MORC4: variants seen among roughly 807,000 people sequenced by gnomAD.
MORC4 encodes the protein MORC family CW-type zinc finger protein 4.
MORC4 carries 22 observed loss-of-function variants against 65.5 expected under a neutral mutation model. The ratio of observed to expected loss-of-function variants is 0.34; its 90% CI spans 0.24 to 0.48. The LOEUF is 0.48. MORC4 is among the 20% of genes least tolerant of loss of function. The probability of loss-of-function intolerance (pLI) is 0.99; values close to 1 mark genes in which losing one functional copy is unlikely to be tolerated. For missense variants in MORC4, 624 were observed against 703.0 expected, an observed-to-expected ratio of 0.89 and a Z score of 1.27; for synonymous variants, 267 against 255.8, an observed-to-expected ratio of 1.04 and a Z score of -0.42.
chrX:106,974,591 T>C (rs1439173117), intron 9 of MORC4, among the ~76,000 whole-genome samples: 8 of 112,203 alleles, frequency 7.1e-5, no homozygotes, highest in Non-Finnish European at 1.5e-4. Context: ...TTAAAGAGCT[T>C]TTTTATTGCT....
chrX:106,944,950 A>C (rs1933788029), intron 14 of MORC4, among the ~76,000 whole-genome samples: 1 of 111,518 alleles, frequency 9.0e-6, no homozygotes, highest in Non-Finnish European at 1.9e-5. Flanking sequence ...CATTGCTTTG[A>C]TTATGCTACT....
intron 14 of MORC4, among the ~76,000 whole-genome samples, chrX:106,949,913 G>A (rs1168590513): frequency 8.9e-6 from 1 of 112,219 alleles, no homozygotes; most frequent in African/African-American, 3.2e-5. Flanking sequence ...CTCCTAGATT[G>A]CCAAGGATGT....
intron 12 of MORC4, 72 bp downstream of exon 12, chrX:106,956,864 A>G (rs965865889): frequency 2.4e-6 from 2 of 824,568 alleles, no homozygotes; most frequent in African/African-American, 4.2e-5. Flanking sequence ...TCTTCTCAAA[A>G]CTCCCGTCCT....
intron 9 of MORC4, among the ~76,000 whole-genome samples, chrX:106,973,103 C>T (rs763085295): frequency 8.9e-6 from 1 of 112,190 alleles, no homozygotes; most frequent in East Asian, 2.8e-4. Flanking sequence ...GAGGGTGGAG[C>T]CCTAAGTCCA....
At position 106,941,506 on chromosome X, in the gene MORC4, C is replaced by T; in HGVS notation, c.2787G>A (p.Val929=). The change falls in exon 17 of 17, where the codon GTG becomes GTA. Residue 929 remains valine, a synonymous_variant. Transcript: ENST00000355610. ...SEQVDGILYT[V]LEANHILD ...AATCCAGTATGTGATTTGCCTCCAG[C>T]ACCGTGTACAGGATCCCATCCACTT... 1 of 1,208,664 alleles carries T rather than the reference C, an allele frequency of 8.3e-7. No homozygotes were observed. The highest frequency in any genetic ancestry group is 1.1e-6 in the Non-Finnish European group (1 of 893,789).
intron 7 of MORC4, among the ~76,000 whole-genome samples, chrX:106,978,831 T>C (rs1313076620): frequency 1.8e-5 from 2 of 111,594 alleles, no homozygotes; most frequent in African/African-American, 6.5e-5. Flanking sequence ...TAAATCCTTC[T>C]TACCATACCA....
At chrX:106,955,177 G>T in intron 13 of MORC4, 89 bp from the exon 14 acceptor site, 1 of 680,212 alleles carries the variant, frequency 1.5e-6, no homozygotes, top group Non-Finnish European at 2.2e-6. Context: ...AGGAAAGAAT[G>T]CTTGGCCAAA....
At chrX:106,944,605 A>G (rs760310790) in intron 14 of MORC4, among the ~76,000 whole-genome samples, 2 of 110,278 alleles carry the variant, frequency 1.8e-5, no homozygotes, top group South Asian at 7.7e-4. Flanking sequence ...CTGGGCAACA[A>G]CTCCCATATT....
chrX:106,982,929 C>A (rs1412122226), intron 5 of MORC4, among the ~76,000 whole-genome samples: 2 of 111,978 alleles, frequency 1.8e-5, no homozygotes, highest in African/African-American at 6.5e-5. Flanking sequence ...TTTGTTTGAC[C>A]ATGTAATCCT....
intron 2 of MORC4, 140 bp downstream of exon 2, chrX:106,999,537 C>T: frequency 8.8e-6 from 4 of 452,437 alleles, no homozygotes; most frequent in Non-Finnish European, 1.4e-5. Context: ...CCTCCGCCTG[C>T]GGAGCCGGGG....
intron 8 of MORC4, 68 bp downstream of exon 8, chrX:106,978,012 T>G: frequency 1.7e-6 from 2 of 1,143,340 alleles, no homozygotes; most frequent in Non-Finnish European, 2.4e-6. Flanking sequence ...GCCTATCCCC[T>G]TTGCAAATTT....
At chrX:106,944,225 T>C (rs1035587171) in intron 14 of MORC4, among the ~76,000 whole-genome samples, 4 of 112,231 alleles carry the variant, frequency 3.6e-5, no homozygotes, top group Non-Finnish European at 5.6e-5. Flanking sequence ...AGTGCCCATA[T>C]GTTCTTCAGA....
intron 5 of MORC4, among the ~76,000 whole-genome samples, chrX:106,983,434 A>G (rs1934788925): frequency 1.8e-5 from 2 of 111,967 alleles, no homozygotes; most frequent in Non-Finnish European, 3.8e-5. Context: ...AAATGAGACA[A>G]AATACTTCAC....
chrX:106,943,058 G>A lies in MORC4; in HGVS notation c.1833C>T (p.Ser611=), dbSNP rs1165719453. ...TTCTCTCAGAACTCGATTTATCATG[G>A]CTGTTCTCCCCTTCTGGGTAGGCAA... The part of the protein sequence containing the change: ...APVAYPEGEN[S]HDKSSSERST... The change falls in exon 15 of 17, where the codon AGC becomes AGT. Residue 611 remains serine, a synonymous_variant. Transcript: ENST00000355610. 5 of 1,209,539 alleles carry A rather than the reference G, an allele frequency of 4.1e-6. No homozygotes were observed. The highest frequency in any genetic ancestry group is 3.4e-6 in the Non-Finnish European group (3 of 895,024).
intron 14 of MORC4, among the ~76,000 whole-genome samples, chrX:106,946,138 G>A (rs181636874): frequency 9.0e-6 from 1 of 111,139 alleles, no homozygotes; most frequent in Admixed American, 9.6e-5. Flanking sequence ...ATTCACTTAA[G>A]GTATACAATT....
At chrX:106,961,970 A>G (rs1464095095) in intron 10 of MORC4, 42 bp downstream of exon 10, 2 of 1,019,520 alleles carry the variant, frequency 2.0e-6, no homozygotes. Flanking sequence ...TGATCTATGG[A>G]TATTACCCCT....
At chrX:106,956,780 T>C (rs1602482039) in intron 12 of MORC4, among the ~76,000 whole-genome samples, 156 bp downstream of exon 12, 1 of 110,206 alleles carries the variant, frequency 9.1e-6, no homozygotes, top group South Asian at 4.0e-4. Flanking sequence ...ATTCAGGAGA[T>C]GATTAGAAGG....
At chrX:106,982,334 C>T (rs747739147) in intron 5 of MORC4, among the ~76,000 whole-genome samples, 2 of 112,024 alleles carry the variant, frequency 1.8e-5, no homozygotes, top group East Asian at 2.8e-4. Flanking sequence ...AGAGTCAACT[C>T]GAGCTCTAGT....
At chrX:106,961,594 C>T (rs1206421434) in intron 10 of MORC4, among the ~76,000 whole-genome samples, 1 of 111,690 alleles carries the variant, frequency 9.0e-6, no homozygotes, top group Non-Finnish European at 1.9e-5. Context: ...CTGTAAAACG[C>T]ACCAATCAGT....
Sources: gnomAD v4.1 joint callset for allele counts (sites outside exome capture counted in the v4.1 genomes callset) on GRCh38, gnomAD v4.1.1 for gene constraint, MANE v1.5 for transcripts, NCBI Gene and HGNC (gene_info 2026-07-23, HGNC 2026-07-21) for gene names.